The following OR10A2 variants were observed in gnomAD, a reference collection of about 807,000 sequenced individuals.
OR10A2 encodes the protein olfactory receptor 10A2.
OR10A2 carries 15 observed loss-of-function variants against 13.7 expected under a neutral mutation model. The observed-to-expected ratio is 1.10, with a 90% confidence interval of 0.73 to 1.69. The LOEUF (loss-of-function observed/expected upper bound fraction) is 1.69, where lower values mean the gene tolerates loss of function less well. OR10A2 is among the 40% of genes most tolerant of loss of function. The pLI is 0.00. For missense variants in OR10A2, 343 were observed against 361.1 expected (o/e 0.95, Z 0.41); for synonymous variants, 145 against 144.7 (o/e 1.00, Z -0.02).
intron 1 of OR10A2, among the ~76,000 whole-genome samples, chr11:6,868,558 G>A (rs1045183209): frequency 3.3e-5 from 5 of 152,106 alleles, no homozygotes; most frequent in African/African-American, 1.2e-4. Context: ...TTCTCAGCAT[G>A]TAATATAAGT....
At position 6,872,147 on chromosome 11, in the gene OR10A2, T is replaced by G. The variant is rs1236261394; in HGVS notation, c.*1481T>G. The G allele has an allele frequency of 6.6e-6, 1 of 152,202 alleles. No homozygotes were observed. The highest frequency in any genetic ancestry group is 1.5e-5 in the Non-Finnish European group (1 of 68,016). The allele number at this position is 152,202 out of a possible 1,614,324, so 9.4% of individuals were successfully genotyped here. On this transcript the variant is annotated 3_prime_UTR_variant, in exon 2 of 2. Transcript: ENST00000641461. Reference sequence around the variant, plus strand: ...TGAAGAATAAGAAAGAAACAGATGATCAAATCAGAGGAAAGGTGTGCATTT... The same window carrying G: ...TGAAGAATAAGAAAGAAACAGATGAGCAAATCAGAGGAAAGGTGTGCATTT...
rs4758142 is a variant in OR10A2 at position 6,869,715 on chromosome 11, A to G, written c.-40A>G. 564,185 of 1,543,216 alleles carry G rather than the reference A, an allele frequency of 0.37. 105,188 individuals carry two copies. Among genetic ancestry groups the G allele is most frequent in the South Asian group, 0.4 (34,633 of 87,480 alleles). On this transcript the variant is annotated 5_prime_UTR_variant, in exon 2 of 2. In the 5' UTR this introduces an upstream ATG that the reference lacks. Transcript: ENST00000641461. ...GTTGGGGACTTCTGCCCACACTTAT[A>G]GCTACAGGAAACTGGACAAGAATAA... is the stretch of plus-strand genomic sequence containing the variant.
intron 1 of OR10A2, among the ~76,000 whole-genome samples, chr11:6,868,026 A>G (rs1425593359): frequency 6.6e-6 from 1 of 152,222 alleles, no homozygotes; most frequent in African/African-American, 2.4e-5. Flanking sequence ...CTGGGATTAC[A>G]GGCATCAGCC....
chr11:6,867,319 C>G (rs1848386941), intron 1 of OR10A2, among the ~76,000 whole-genome samples: 2 of 152,126 alleles, frequency 1.3e-5, no homozygotes, highest in Admixed American at 1.3e-4. Context: ...TCATGCAATT[C>G]TCGTGCCTCA....
In OR10A2 at chr11:6,864,035, T is replaced by C. The variant is rs7925683; in HGVS notation, c.-133+684T>C. On this transcript the variant is annotated intron_variant, in intron 1 of 1. Coordinates refer to ENST00000641461, the MANE Select transcript of OR10A2 (RefSeq NM_001004460.2). ...TTTACGCGTGACCAAGAAATTTTTC[T>C]ACTTCCAATGTGGCCAGGGAAGCCA... is the stretch of plus-strand genomic sequence containing the variant. Among the ~76,000 whole-genome samples the C allele has an allele frequency of 3.1e-3, 467 of 152,342 alleles. 2 individuals carry two copies. Among genetic ancestry groups the C allele is most frequent in the African/African-American group, 0.011 (447 of 41,576 alleles).
At position 6,870,699 on chromosome 11, in the gene OR10A2, G is replaced by GTTTCTCATCC; in HGVS notation, c.*33_*34insTTTCTCATCC. ...GAAGTAAGGCTACATTTTACTGGAT[G>GTTTCTCATCC]AGAAACAATCAGTCCCAGATTTGAG... On this transcript the variant is annotated 3_prime_UTR_variant, in exon 2 of 2. Coordinates refer to ENST00000641461, the MANE Select transcript of OR10A2 (RefSeq NM_001004460.2). 1.4e-6 allele frequency: 2 copies of GTTTCTCATCC among 1,462,438 alleles called. No individual in the cohort carries two copies. The highest frequency in any genetic ancestry group is 1.8e-6 in the Non-Finnish European group (2 of 1,083,680). 90.6% of individuals were successfully genotyped at this position (1,462,438 alleles called of 1,614,324 possible).
chr11:6,868,880 G>A (rs1400809056), intron 1 of OR10A2, among the ~76,000 whole-genome samples: 2 of 152,124 alleles, frequency 1.3e-5, no homozygotes, highest in Non-Finnish European at 1.5e-5. Flanking sequence ...TTGTGTCTAG[G>A]AAATCTCCTA....
At chr11:6,864,923 T>C (rs981620164) in intron 1 of OR10A2, among the ~76,000 whole-genome samples, 2 of 147,224 alleles carry the variant, frequency 1.4e-5, no homozygotes, top group Non-Finnish European at 3.0e-5. Context: ...TTCTTATATA[T>C]ATAAATATAT....
chr11:6,868,353 T>G (rs1296460307), intron 1 of OR10A2, among the ~76,000 whole-genome samples: 1 of 152,116 alleles, frequency 6.6e-6, no homozygotes, highest in African/African-American at 2.4e-5. Context: ...GAAAATGGAT[T>G]GTGCGTAAAG....
chr11:6,863,787 C>G (rs1041386949), intron 1 of OR10A2, among the ~76,000 whole-genome samples: 1 of 152,080 alleles, frequency 6.6e-6, no homozygotes, highest in African/African-American at 2.4e-5. Flanking sequence ...TCAGAGAAGG[C>G]CTAGAAGAGT....
intron 1 of OR10A2, among the ~76,000 whole-genome samples, chr11:6,864,377 T>C (rs1022534886): frequency 6.6e-6 from 1 of 152,180 alleles, no homozygotes; most frequent in African/African-American, 2.4e-5. Flanking sequence ...GAATGAACTT[T>C]GTAGAACTCA....
Position 6,869,949 on chromosome 11 carries a change from G to A in OR10A2, c.195G>A (p.Val65=), listed in dbSNP as rs574249107. Residue 65 remains valine (V), a synonymous_variant, in exon 2 of 2, where the codon GTG becomes GTA. Coordinates refer to ENST00000641461, the MANE Select transcript of OR10A2 (RefSeq NM_001004460.2). ...FLEIGFNLVI[V]PKMLGTLLAQ... Reference sequence around the variant, plus strand: ...AGATTGGCTTCAACCTAGTCATTGTGCCCAAAATGCTGGGGACCCTGCTTG... The same window carrying A: ...AGATTGGCTTCAACCTAGTCATTGTACCCAAAATGCTGGGGACCCTGCTTG... The A allele has an allele frequency of 6.2e-7, 1 of 1,614,072 alleles. No individual in the cohort carries two copies. Among genetic ancestry groups the A allele is most frequent in the Admixed American group, 1.7e-5 (1 of 60,018 alleles).
intron 1 of OR10A2, among the ~76,000 whole-genome samples, chr11:6,865,543 T>C (rs1224407102): frequency 2.0e-5 from 3 of 152,148 alleles, no homozygotes; most frequent in East Asian, 3.8e-4. Context: ...TTACTAAATA[T>C]TCACACTGAT....
In OR10A2 at chr11:6,870,159, C is replaced by T; in HGVS notation, c.405C>T (p.Ser135=). ...QRTRAKLAAA[S]WFPGFPVATV... is the part of the protein sequence containing the mutation. The stretch of plus-strand genomic sequence containing the variant: ...CTCGTGCCAAACTGGCTGCTGCCTC[C>T]TGGTTCCCAGGCTTTCCTGTAGCTA... Residue 135 remains serine, a synonymous_variant, in exon 2 of 2, where the codon TCC becomes TCT. Transcript: ENST00000641461. The T allele has an allele frequency of 6.2e-7, 1 of 1,614,268 alleles. No individual in the cohort carries two copies. The highest frequency in any genetic ancestry group is 8.5e-7 in the Non-Finnish European group (1 of 1,180,048).
chr11:6,870,669 C>A lies in OR10A2; in HGVS notation c.*3C>A. On this transcript the variant is annotated 3_prime_UTR_variant, in exon 2 of 2. Coordinates refer to ENST00000641461, the MANE Select transcript of OR10A2 (RefSeq NM_001004460.2). ...CCCTCAGAAACTGTATCCCATAGACCTTAGGAAGTAAGGCTACATTTTACT... is the reference window on the plus strand; with the variant it reads ...CCCTCAGAAACTGTATCCCATAGACATTAGGAAGTAAGGCTACATTTTACT... The A allele has an allele frequency of 6.5e-7, 1 of 1,539,902 alleles. No individual in the cohort carries two copies.
intron 1 of OR10A2, among the ~76,000 whole-genome samples, chr11:6,865,788 C>T (rs1848374893): frequency 6.6e-6 from 1 of 152,154 alleles, no homozygotes; most frequent in Non-Finnish European, 1.5e-5. Context: ...GAGACATAAT[C>T]ATTTCTGTCA....
chr11:6,872,220 T>C lies in OR10A2; in HGVS notation c.*1554T>C, dbSNP rs1187342750. ...TAGACGATTAGCAATTGGTGATGTCTTGGTGTTTTATTTTCTCTTCTTGAA... is the reference window on the plus strand; with the variant it reads ...TAGACGATTAGCAATTGGTGATGTCCTGGTGTTTTATTTTCTCTTCTTGAA... On this transcript the variant is annotated 3_prime_UTR_variant, in exon 2 of 2. Coordinates refer to ENST00000641461, the MANE Select transcript of OR10A2 (RefSeq NM_001004460.2). 1.3e-5 allele frequency: 2 copies of C among 152,226 alleles called. No homozygotes were observed. Among genetic ancestry groups the C allele is most frequent in the Admixed American group, 6.5e-5 (1 of 15,278 alleles). The allele number at this position is 152,226 out of a possible 1,614,324, so 9.4% of individuals were successfully genotyped here. A position where few individuals can be genotyped will look rare whatever the true frequency, so the allele number is the denominator to read the frequency against.
Position 6,869,837 on chromosome 11 carries a change from G to A in OR10A2, c.83G>A (p.Gly28Glu). ...FLTIYLVTLM[G>E]NCLIILVTLA... ...ACCATCTACCTGGTCACCCTGATGGGAAACTGCCTCATCATTCTGGTTACC... is the reference window on the plus strand; with the variant it reads ...ACCATCTACCTGGTCACCCTGATGGAAAACTGCCTCATCATTCTGGTTACC... Residue 28 changes from glycine to glutamate, a missense_variant, in exon 2 of 2, where the codon GGA becomes GAA. Coordinates refer to ENST00000641461, the MANE Select transcript of OR10A2 (RefSeq NM_001004460.2). 1 of 1,614,162 alleles carries A rather than the reference G, an allele frequency of 6.2e-7. No individual in the cohort carries two copies. The highest frequency in any genetic ancestry group is 8.5e-7 in the Non-Finnish European group (1 of 1,180,022).
At position 6,870,754 on chromosome 11, in the gene OR10A2, A is replaced by G. The variant is rs72923107; in HGVS notation, c.*88A>G. The G allele has an allele frequency of 0.14, 153,597 of 1,089,434 alleles. 11,583 individuals are homozygous for G. Among genetic ancestry groups the G allele is most frequent in the South Asian group, 0.22 (13,016 of 60,074 alleles). The allele number at this position is 1,089,434 out of a possible 1,614,324, so 67.5% of individuals were successfully genotyped here. A position where few individuals can be genotyped will look rare whatever the true frequency, so the allele number is the denominator to read the frequency against. On this transcript the variant is annotated 3_prime_UTR_variant, in exon 2 of 2. Transcript: ENST00000641461. ...CTCTCTGCATCTTTCCACATCTCCA[A>G]TAAGATGAAGTCCTGTTGCTGAAAT... is the stretch of plus-strand genomic sequence containing the variant.
Sources: gnomAD v4.1 joint callset for allele counts (sites outside exome capture counted in the v4.1 genomes callset) on GRCh38, gnomAD v4.1.1 for gene constraint, MANE v1.5 for transcripts, NCBI Gene and HGNC (gene_info 2026-07-23, HGNC 2026-07-21) for gene names.